The following SPAG16 variants were observed in gnomAD, a reference collection of about 807,000 sequenced individuals.
SPAG16 encodes the protein sperm-associated antigen 16 protein.
A neutral mutation model predicts 80.4 loss-of-function variants in SPAG16; 86 were observed. That is an observed-to-expected ratio of 1.07 (90% CI 0.90 to 1.28). The LOEUF (loss-of-function observed/expected upper bound fraction) is 1.28, where lower values mean the gene tolerates loss of function less well. Among genes scored for constraint, SPAG16 ranks in the 50% most tolerant of loss-of-function variants. The pLI is 0.00. For synonymous variants in SPAG16, 294 were observed against 265.9 expected (o/e 1.11, Z -1.03); for missense variants, 870 against 765.3 (o/e 1.14, Z -1.61).
chr2:213,527,055 TCTCAG>T, intron 10 of SPAG16, among the ~76,000 whole-genome samples: 1 of 152,324 alleles, frequency 6.6e-6, no homozygotes, highest in Admixed American at 6.5e-5. Context: ...TCACCCTTCC[TCTCAG>T]CTGTGCCTGG....
intron 10 of SPAG16, among the ~76,000 whole-genome samples, chr2:213,537,877 G>A (rs1037123232): frequency 6.6e-6 from 1 of 152,110 alleles, no homozygotes; most frequent in African/African-American, 2.4e-5. Context: ...TAACATACTT[G>A]GCAGCAGACC....
At chr2:214,226,018 C>T (rs968761795) in intron 15 of SPAG16, among the ~76,000 whole-genome samples, 7 of 152,108 alleles carry the variant, frequency 4.6e-5, no homozygotes, top group Admixed American at 1.3e-4. Flanking sequence ...AACAGTGGGA[C>T]TTCAACCATT....
At chr2:213,470,810 C>T (rs1262320503) in intron 9 of SPAG16, among the ~76,000 whole-genome samples, 3 of 152,212 alleles carry the variant, frequency 2.0e-5, no homozygotes, top group Admixed American at 6.5e-5. Flanking sequence ...GCTGAGGTTA[C>T]CCATAGGTGA....
intron 10 of SPAG16, among the ~76,000 whole-genome samples, chr2:213,850,263 A>G (rs747194998): frequency 1.3e-5 from 2 of 152,204 alleles, no homozygotes; most frequent in South Asian, 4.1e-4. Context: ...AAAACTAGAA[A>G]GATGTGATAC....
intron 13 of SPAG16, among the ~76,000 whole-genome samples, chr2:214,091,822 T>C (rs959387174): frequency 3.3e-5 from 5 of 152,046 alleles, no homozygotes; most frequent in African/African-American, 1.2e-4. Context: ...CTTTATCCAC[T>C]CTAATGAACA....
chr2:214,365,619 T>G (rs900303365), intron 15 of SPAG16, among the ~76,000 whole-genome samples: 2 of 152,150 alleles, frequency 1.3e-5, no homozygotes, highest in Non-Finnish European at 2.9e-5. Flanking sequence ...TGATTAAAAT[T>G]TTGATTTTTC....
chr2:214,006,653 A>T (rs956091821), intron 12 of SPAG16, among the ~76,000 whole-genome samples: 1 of 152,198 alleles, frequency 6.6e-6, no homozygotes, highest in African/African-American at 2.4e-5. Context: ...GAAATGTACA[A>T]ATCATTTTCA....
rs529361521 is a variant in SPAG16 at position 213,495,403 on chromosome 2, T to C, written c.1070+5313T>C. ...TTTAATCTTCCAGACTAATGAGCTA[T>C]CTCTTTGTGAAATTAGATGTTAGGC... On this transcript the variant is annotated intron_variant, in intron 10 of 15. Transcript: ENST00000331683. 2.0e-5 allele frequency among the ~76,000 whole-genome samples: 3 copies of C among 152,368 alleles called. No homozygotes were observed. The South Asian group carries it at 6.2e-4, about 32-fold the overall frequency.
At chr2:214,190,625 T>C (rs548684186) in intron 15 of SPAG16, among the ~76,000 whole-genome samples, 10 of 152,244 alleles carry the variant, frequency 6.6e-5, no homozygotes, top group African/African-American at 2.4e-4. Context: ...TATGTTGATG[T>C]CCTACCCCCA....
At chr2:214,319,544 A>G (rs1189384793) in intron 15 of SPAG16, among the ~76,000 whole-genome samples, 1 of 152,004 alleles carries the variant, frequency 6.6e-6, no homozygotes, top group Non-Finnish European at 1.5e-5. Context: ...ATGAAGGACT[A>G]TCTATGGTAA....
At position 213,650,330 on chromosome 2, in the gene SPAG16, G is replaced by T. The variant is rs574722868; in HGVS notation, c.1070+160240G>T. 2.6e-5 allele frequency among the ~76,000 whole-genome samples: 4 copies of T among 152,226 alleles called. No individual in the cohort carries two copies. The South Asian group carries it at 8.3e-4, about 32-fold the overall frequency. ...TACAAGTAAACAAAGCCATACTCCTGCCTCATATGAAAATATGACATATCT... is the reference window on the plus strand; with the variant it reads ...TACAAGTAAACAAAGCCATACTCCTTCCTCATATGAAAATATGACATATCT... On this transcript the variant is annotated intron_variant, in intron 10 of 15. Coordinates refer to ENST00000331683, the MANE Select transcript of SPAG16 (RefSeq NM_024532.5).
At chr2:213,539,948 C>T (rs528289559) in intron 10 of SPAG16, among the ~76,000 whole-genome samples, 12 of 151,754 alleles carry the variant, frequency 7.9e-5, no homozygotes, top group African/African-American at 2.7e-4. Context: ...TTGTAATCGC[C>T]TTGGTCAGCA....
At chr2:213,412,082 C>T (rs1317843898) in intron 9 of SPAG16, among the ~76,000 whole-genome samples, 1 of 152,056 alleles carries the variant, frequency 6.6e-6, no homozygotes, top group Non-Finnish European at 1.5e-5. Context: ...TTACCTACTC[C>T]ACCCTGACTC....
intron 11 of SPAG16, among the ~76,000 whole-genome samples, chr2:213,920,979 T>C (rs2078195164): frequency 6.6e-6 from 1 of 152,218 alleles, no homozygotes; most frequent in African/African-American, 2.4e-5. Context: ...CAAGAGTAGG[T>C]TGATCCTTGT....
chr2:214,201,302 A>T (rs1459785444), intron 15 of SPAG16, among the ~76,000 whole-genome samples: 1 of 152,198 alleles, frequency 6.6e-6, no homozygotes, highest in Admixed American at 6.5e-5. Flanking sequence ...GAAAATATTT[A>T]AATAATAAAC....
intron 9 of SPAG16, among the ~76,000 whole-genome samples, chr2:213,406,630 T>C (rs2068619175): frequency 6.6e-6 from 1 of 152,192 alleles, no homozygotes; most frequent in Non-Finnish European, 1.5e-5. Context: ...AAGTTCAGTT[T>C]AGAAATAAGA....
At chr2:214,024,414 G>A (rs912272769) in intron 13 of SPAG16, among the ~76,000 whole-genome samples, 10 of 151,620 alleles carry the variant, frequency 6.6e-5, no homozygotes, top group African/African-American at 1.9e-4. Context: ...AAATATAGAT[G>A]ATTTAATTCC....
chr2:214,260,730 AG>A (rs1297382382), intron 15 of SPAG16, among the ~76,000 whole-genome samples: 1 of 152,124 alleles, frequency 6.6e-6, no homozygotes, highest in Non-Finnish European at 1.5e-5. Context: ...TCAAACACAT[AG>A]TGCCTGGGTA....
chr2:213,459,860 A>G (rs1297395558), intron 9 of SPAG16, among the ~76,000 whole-genome samples: 4 of 152,226 alleles, frequency 2.6e-5, no homozygotes, highest in Non-Finnish European at 2.9e-5. Flanking sequence ...GTGTTATTCC[A>G]CATAACCTTG....
Sources: allele counts gnomAD v4.1 joint callset (sites outside exome capture counted in the v4.1 genomes callset), GRCh38; gene constraint gnomAD v4.1.1; transcripts MANE v1.5; gene names NCBI Gene and HGNC (gene_info 2026-07-23, HGNC 2026-07-21).